The following RASAL2 variants were observed in gnomAD, a reference collection of about 807,000 sequenced individuals.
RASAL2 encodes the protein RAS protein activator like 2.
In RASAL2, 58 loss-of-function variants were observed where a neutral mutation model predicts 128.9. The ratio of observed to expected loss-of-function variants is 0.45; its 90% CI spans 0.36 to 0.56. RASAL2 has a LOEUF of 0.56. Ranked by LOEUF, RASAL2 falls within the 20% of genes least tolerant of loss-of-function variation. The pLI, the probability that RASAL2 is intolerant of heterozygous loss-of-function variation, is 0.00. For synonymous variants in RASAL2, 561 were observed against 580.8 expected, an observed-to-expected ratio of 0.97 and a Z score of 0.49; for missense variants, 1,360 against 1,601.6, an observed-to-expected ratio of 0.85 and a Z score of 2.57.
chr1:178,444,986 A>T (rs562443783), intron 8 of RASAL2, among the ~76,000 whole-genome samples: 6 of 152,234 alleles, frequency 3.9e-5, no homozygotes, highest in Non-Finnish European at 7.4e-5. Context: ...GAGCAAGGGG[A>T]GCTGACTAAT....
chr1:178,194,114 C>T (rs898512591), intron 1 of RASAL2, among the ~76,000 whole-genome samples: 1 of 152,146 alleles, frequency 6.6e-6, no homozygotes, highest in African/African-American at 2.4e-5. Context: ...TAGAAACATA[C>T]ATCATGAGAA....
chr1:178,427,792 A>T (rs773780840), intron 5 of RASAL2, among the ~76,000 whole-genome samples: 3 of 151,736 alleles, frequency 2.0e-5, no homozygotes, highest in Non-Finnish European at 2.9e-5. Flanking sequence ...TCATTTGTGC[A>T]TGTGTGTGTG....
rs987263318 is a variant in RASAL2, at chr1:178,465,997, G to GC, written c.3466dup (p.Leu1156ProfsTer34). ...GACTGGAGGAATATGAACGCCGCTTGCTGGTGCAGGAGCAGCAGATGCAGA... is the reference window on the plus strand; with the variant it reads ...GACTGGAGGAATATGAACGCCGCTTGCCTGGTGCAGGAGCAGCAGATGCAGA... On this transcript the variant is annotated frameshift_variant, in exon 16 of 18. Transcript: ENST00000367649. LOFTEE classifies it high-confidence loss of function. The GC allele has an allele frequency of 6.4e-7, 1 of 1,562,264 alleles. No homozygotes were observed. Among genetic ancestry groups the GC allele is most frequent in the Non-Finnish European group, 8.7e-7 (1 of 1,152,194 alleles).
chr1:178,133,260 G>T (rs1000139879), intron 1 of RASAL2, among the ~76,000 whole-genome samples: 2 of 151,994 alleles, frequency 1.3e-5, no homozygotes, highest in Admixed American at 1.3e-4. Context: ...TTACTCTTAC[G>T]CATTTTGCTC....
At position 178,390,187 on chromosome 1, in the gene RASAL2, C is replaced by G. The variant is rs1239221654; in HGVS notation, c.545C>G (p.Thr182Ser). The change falls in exon 4 of 18, where the codon ACC becomes AGC. Residue 182 changes from threonine (T) to serine (S), a missense_variant. Thr to Ser is a moderately conservative substitution (Grantham distance 58). Coordinates refer to ENST00000367649, the MANE Select transcript of RASAL2 (RefSeq NM_170692.4). ...EKPNSMDTAN[T>S]SPFKVPGFFS... is the part of the protein sequence containing the mutation. The stretch of plus-strand genomic sequence containing the variant: ...CCCAACTCCATGGACACTGCAAATA[C>G]CTCACCCTTCAAAGTACCAGTAAGT... 6.2e-7 allele frequency: 1 copy of G among 1,608,394 alleles called. No homozygotes were observed. The highest frequency in any genetic ancestry group is 1.7e-5 in the Admixed American group (1 of 59,798).
At chr1:178,357,972 A>C (rs1229603998) in intron 3 of RASAL2, among the ~76,000 whole-genome samples, 1 of 152,036 alleles carries the variant, frequency 6.6e-6, no homozygotes, top group Non-Finnish European at 1.5e-5. Flanking sequence ...GTGGTGCCTC[A>C]CACCTGTAAT....
At chr1:178,385,701 G>A (rs1672524940) in intron 3 of RASAL2, among the ~76,000 whole-genome samples, 1 of 151,856 alleles carries the variant, frequency 6.6e-6, no homozygotes, top group African/African-American at 2.4e-5. Flanking sequence ...TCCTTATATT[G>A]GCCAGTATTA....
intron 11 of RASAL2, 32 bp from the exon 12 acceptor site, chr1:178,454,415 G>A (rs758755557): frequency 6.6e-7 from 1 of 1,513,056 alleles, no homozygotes; most frequent in Non-Finnish European, 9.2e-7. Flanking sequence ...TCTTGAATAT[G>A]TTCTTTCTCA....
intron 3 of RASAL2, among the ~76,000 whole-genome samples, chr1:178,327,684 G>A (rs555131023): frequency 6.6e-6 from 1 of 152,226 alleles, no homozygotes; most frequent in South Asian, 2.1e-4. Context: ...AGCATAATTG[G>A]CAGAAAGACA....
chr1:178,270,312 C>G (rs1448299652), intron 1 of RASAL2, among the ~76,000 whole-genome samples: 1 of 151,846 alleles, frequency 6.6e-6, no homozygotes, highest in Admixed American at 6.6e-5. Flanking sequence ...TTCTTCTTGC[C>G]TATTATTTTT....
intron 1 of RASAL2, among the ~76,000 whole-genome samples, chr1:178,247,798 C>T (rs1024601498): frequency 2.0e-5 from 3 of 152,146 alleles, no homozygotes; most frequent in East Asian, 1.9e-4. Context: ...CAAAGAACTT[C>T]GTTATCTCTA....
At chr1:178,457,553 A>G (rs1214503202) in intron 13 of RASAL2, 130 bp from the exon 14 acceptor site, 3 of 948,482 alleles carry the variant, frequency 3.2e-6, no homozygotes, top group African/African-American at 1.7e-5. Context: ...ATTAGATAAA[A>G]TCTGAGTTTC....
intron 1 of RASAL2, among the ~76,000 whole-genome samples, chr1:178,238,596 A>G (rs992856950): frequency 1.3e-5 from 2 of 151,808 alleles, no homozygotes; most frequent in Non-Finnish European, 2.9e-5. Flanking sequence ...TTCTGTGTGT[A>G]TGTGTGTATA....
At chr1:178,147,479 CAAA>C (rs71297899) in intron 1 of RASAL2, among the ~76,000 whole-genome samples, 2 of 82,954 alleles carry the variant, frequency 2.4e-5, no homozygotes. Flanking sequence ...GACTCCGTCT[CAAA>C]AAAAAAAAAA....
chr1:178,119,762 C>G (rs886544597), intron 1 of RASAL2, among the ~76,000 whole-genome samples: 19 of 152,194 alleles, frequency 1.2e-4, no homozygotes, highest in Admixed American at 1.1e-3. Flanking sequence ...CATCGGTAGA[C>G]TTGTCAATCT....
chr1:178,412,860 A>G (rs1426848595), intron 4 of RASAL2, among the ~76,000 whole-genome samples: 1 of 152,202 alleles, frequency 6.6e-6, no homozygotes, highest in African/African-American at 2.4e-5. Context: ...GAGTCCTACC[A>G]GGTTCTCACA....
At chr1:178,094,740 C>T in intron 1 of RASAL2, 46 bp downstream of exon 1, 1 of 1,606,588 alleles carries the variant, frequency 6.2e-7, no homozygotes, top group Non-Finnish European at 8.5e-7. Context: ...CCTATTTTTG[C>T]TTGGGCTGAA....
At chr1:178,203,385 G>A (rs1662938852) in intron 1 of RASAL2, among the ~76,000 whole-genome samples, 2 of 152,192 alleles carry the variant, frequency 1.3e-5, no homozygotes, top group Non-Finnish European at 2.9e-5. Flanking sequence ...CCATCTAGGT[G>A]AGAATACTTG....
intron 9 of RASAL2, among the ~76,000 whole-genome samples, chr1:178,450,611 C>T (rs1677307810): frequency 6.6e-6 from 1 of 152,130 alleles, no homozygotes. Flanking sequence ...TTATTGTTCA[C>T]TTTCATGAAG....
Sources: gnomAD v4.1 joint callset for allele counts (sites outside exome capture counted in the v4.1 genomes callset) on GRCh38, gnomAD v4.1.1 for gene constraint, MANE v1.5 for transcripts, NCBI Gene and HGNC (gene_info 2026-07-23, HGNC 2026-07-21) for gene names.